Variants in MED13L observed in about 807,000 individuals in gnomAD.
MED13L encodes mediator complex subunit 13L.
A neutral mutation model predicts 220.9 loss-of-function variants in MED13L; 7 were observed. That is an observed-to-expected ratio of 0.03 (90% CI 0.02 to 0.06). MED13L has a LOEUF of 0.06. Among genes scored for constraint, MED13L ranks in the 10% least tolerant of loss-of-function variants. The pLI is 1.00. For synonymous variants in MED13L, 1,011 were observed against 1,015.2 expected, an observed-to-expected ratio of 1.00 and a Z score of 0.08; for missense variants, 1,965 against 2,760.5, an observed-to-expected ratio of 0.71 and a Z score of 6.46.
chr12:116,080,363 A>C (rs1011081329), intron 4 of MED13L, among the ~76,000 whole-genome samples: 2 of 152,224 alleles, frequency 1.3e-5, no homozygotes, highest in Admixed American at 1.3e-4. Flanking sequence ...AAGATACTTA[A>C]GAAATTTTAT....
chr12:116,069,755 G>A (rs568008041), intron 4 of MED13L, among the ~76,000 whole-genome samples: 2 of 152,222 alleles, frequency 1.3e-5, no homozygotes, highest in East Asian at 1.9e-4. Context: ...TTGACCTCAC[G>A]TAATGGGTCA....
chr12:116,145,741 G>C (rs1255769326), intron 2 of MED13L, among the ~76,000 whole-genome samples: 2 of 150,990 alleles, frequency 1.3e-5, no homozygotes, highest in Non-Finnish European at 2.9e-5. Context: ...AGCCTTGGCT[G>C]GTCTTGAACT....
intron 2 of MED13L, among the ~76,000 whole-genome samples, chr12:116,189,890 C>G (rs1381258166): frequency 6.6e-6 from 1 of 151,772 alleles, no homozygotes; most frequent in African/African-American, 2.4e-5. Flanking sequence ...TTTGTTGTAC[C>G]CTGTGACCTT....
intron 4 of MED13L, among the ~76,000 whole-genome samples, chr12:116,030,977 A>G (rs1288263194): frequency 6.6e-6 from 1 of 152,226 alleles, no homozygotes; most frequent in East Asian, 1.9e-4. Flanking sequence ...CAAATCTATG[A>G]AACTAATACA....
intron 4 of MED13L, among the ~76,000 whole-genome samples, chr12:116,035,501 CACTT>C: frequency 6.6e-6 from 1 of 152,214 alleles, no homozygotes; most frequent in East Asian, 1.9e-4. Context: ...TCATATAACT[CACTT>C]AAGCTATATA....
intron 14 of MED13L, among the ~76,000 whole-genome samples, chr12:115,998,895 AAAG>A (rs528578938): frequency 2.5e-3 from 381 of 152,340 alleles, no homozygotes; most frequent in African/African-American, 8.8e-3. Flanking sequence ...CTTCTAAAAA[AAAG>A]AAGAAGAAAA....
chr12:116,203,797 G>C (rs907716640), intron 2 of MED13L, among the ~76,000 whole-genome samples: 1 of 151,946 alleles, frequency 6.6e-6, no homozygotes, highest in Non-Finnish European at 1.5e-5. Flanking sequence ...CTCCAGCCTG[G>C]GCAATAGAGT....
At chr12:116,019,564 A>C in intron 6 of MED13L, 152 bp from the exon 7 acceptor site, 2 of 1,138,360 alleles carry the variant, frequency 1.8e-6, no homozygotes, top group Non-Finnish European at 2.6e-6. Flanking sequence ...TAGCTGTTTA[A>C]ACATGTGTTC....
chr12:116,227,062 T>A (rs761834163), intron 2 of MED13L, among the ~76,000 whole-genome samples: 3 of 151,990 alleles, frequency 2.0e-5, no homozygotes, highest in African/African-American at 4.8e-5. Flanking sequence ...GTGGAAACCA[T>A]CTGTAATTAC....
chr12:115,969,165 T>C, intron 27 of MED13L, 68 bp from the exon 28 acceptor site: 1 of 1,526,378 alleles, frequency 6.6e-7, no homozygotes, highest in Non-Finnish European at 9.0e-7. Context: ...ATCATAATAA[T>C]CCAACCTAAC....
chr12:116,246,901 C>A (rs892171653), intron 1 of MED13L, among the ~76,000 whole-genome samples: 1 of 14,200 alleles, frequency 7.0e-5, no homozygotes. Flanking sequence ...GGTGGGGAGG[C>A]GGGAAGAAGA....
intron 4 of MED13L, among the ~76,000 whole-genome samples, chr12:116,051,928 A>G (rs891478664): frequency 6.6e-6 from 1 of 152,186 alleles, no homozygotes; most frequent in African/African-American, 2.4e-5. Context: ...AACATAGCCA[A>G]ATTTCCAGCA....
intron 4 of MED13L, among the ~76,000 whole-genome samples, chr12:116,046,922 G>A (rs1415288947): frequency 1.3e-5 from 2 of 152,124 alleles, no homozygotes; most frequent in African/African-American, 4.8e-5. Flanking sequence ...GCAGTGAGCT[G>A]AGATCGCACC....
At position 115,996,573 on chromosome 12, in the gene MED13L, G is replaced by A. The variant is rs1267260032; in HGVS notation, c.2899C>T (p.Pro967Ser). 3.1e-6 allele frequency: 5 copies of A among 1,614,006 alleles called. No individual in the cohort carries two copies. In the South Asian group the frequency reaches 5.5e-5, roughly 18 times the overall value. The change falls in exon 16 of 31, where the codon CCT (proline) becomes TCT (serine). Residue 967 changes from proline (P) to serine (S), a missense_variant. Physicochemically the swap from Pro to Ser is moderately conservative, Grantham distance 74. Around this residue, in one of 10 missense-constraint regions of MED13L, gnomAD observed 233 missense variants for 306.2 expected, o/e 0.76. Transcript: ENST00000281928. ...GAAGGCCGAAACAGACAGGCATCAG[G>A]TATCTTCAGAGGTAGCAAACAATGG... The part of the protein sequence containing the change: ...PSHCLLPLKI[P>S]DACLFRPSWA...
rs63247961 is a variant in MED13L at position 116,130,853 on chromosome 12, A to T, written c.311-19341T>A. On this transcript the variant is annotated intron_variant, in intron 2 of 30. Transcript: ENST00000281928. ...CTCTGAACAAGTATCTAAGCCATTT[A>T]AAAAAAAAAAACCTTAAAACTGAGC... Among the ~76,000 whole-genome samples the T allele has an allele frequency of 7.3e-3, 123 of 16,740 alleles. 1 individual carries two copies. The highest frequency in any genetic ancestry group is 0.031 in the Admixed American group (40 of 1,296). The allele number at this position is 16,740 out of a possible 152,430, so 11.0% of individuals were successfully genotyped here. A position where few individuals can be genotyped will look rare whatever the true frequency, so the allele number is the denominator to read the frequency against.
At chr12:116,102,837 T>A (rs1295324239) in intron 3 of MED13L, among the ~76,000 whole-genome samples, 1 of 146,538 alleles carries the variant, frequency 6.8e-6, no homozygotes, top group East Asian at 2.2e-4. Flanking sequence ...TTCTCCTGCC[T>A]CAGCCTCCTG....
At chr12:116,266,644 A>G (rs1872854043) in intron 1 of MED13L, among the ~76,000 whole-genome samples, 1 of 152,258 alleles carries the variant, frequency 6.6e-6, no homozygotes, top group Non-Finnish European at 1.5e-5. Context: ...AATAGACCTA[A>G]TTAAGTACAA....
At chr12:116,131,675 T>C (rs1200538696) in intron 2 of MED13L, among the ~76,000 whole-genome samples, 6 of 152,192 alleles carry the variant, frequency 3.9e-5, no homozygotes, top group East Asian at 1.9e-4. Context: ...CAAAATCCCA[T>C]TGCAATCACA....
chr12:116,122,327 A>T (rs1473427380), intron 2 of MED13L, among the ~76,000 whole-genome samples: 2 of 152,218 alleles, frequency 1.3e-5, no homozygotes, highest in Non-Finnish European at 2.9e-5. Context: ...CACTTCACAC[A>T]TAAAAAAATC....
Sources: allele counts gnomAD v4.1 joint callset (sites outside exome capture counted in the v4.1 genomes callset), GRCh38; gene constraint gnomAD v4.1.1; regional missense constraint gnomAD v4.1.1; transcripts MANE v1.5; gene names NCBI Gene and HGNC (gene_info 2026-07-23, HGNC 2026-07-21).